Variants in PLPP1 observed in about 807,000 individuals in gnomAD.
PLPP1 encodes the protein phospholipid phosphatase 1.
A neutral mutation model predicts 31.2 loss-of-function variants in PLPP1; 24 were observed. The ratio of observed to expected loss-of-function variants is 0.77; its 90% confidence interval spans 0.56 to 1.08. The LOEUF is 1.08. PLPP1 is among the 50% of genes least tolerant of loss of function. The pLI, the probability that PLPP1 is intolerant of heterozygous loss-of-function variation, is 0.00. For synonymous variants in PLPP1, 146 were observed against 126.3 expected (o/e 1.16, Z -1.05); for missense variants, 319 against 342.7 (o/e 0.93, Z 0.55).
At chr5:55,523,430 T>C (rs1356925508) in intron 1 of PLPP1, among the ~76,000 whole-genome samples, 1 of 152,136 alleles carries the variant, frequency 6.6e-6, no homozygotes, top group African/African-American at 2.4e-5. Context: ...TCAAAAGTTA[T>C]AATCCTCAAA....
intron 3 of PLPP1, among the ~76,000 whole-genome samples, chr5:55,466,497 G>GT (rs1218885129): frequency 3.3e-5 from 5 of 152,148 alleles, no homozygotes. Flanking sequence ...GAGGTCAGGA[G>GT]TTTGAGACCA....
In PLPP1 at chr5:55,517,737, G is replaced by A. The variant is rs141786919; in HGVS notation, c.58+16835C>T. On this transcript the variant is annotated intron_variant, in intron 1 of 5. Coordinates refer to ENST00000307259, the MANE Select transcript of PLPP1 (RefSeq NM_003711.4). ...ATCTCTTTACGGGACAGCAAACTCT[G>A]GCCTTCCAAAGCATGTCCTCATGAT... Among the ~76,000 whole-genome samples the A allele has an allele frequency of 4.8e-3, 729 of 152,292 alleles. 9 individuals carry two copies. The highest frequency in any genetic ancestry group is 0.017 in the African/African-American group (701 of 41,570).
chr5:55,492,037 T>C (rs917304328), intron 1 of PLPP1, among the ~76,000 whole-genome samples: 1 of 43,572 alleles, frequency 2.3e-5, no homozygotes. Flanking sequence ...TAACAAGTTA[T>C]ACCAAAATAA....
At chr5:55,504,107 A>T (rs1753209429) in intron 1 of PLPP1, among the ~76,000 whole-genome samples, 2 of 151,816 alleles carry the variant, frequency 1.3e-5, no homozygotes, top group Non-Finnish European at 2.9e-5. Flanking sequence ...GTGGTGGCTC[A>T]CGCCTATAAT....
intron 1 of PLPP1, chr5:55,509,046 G>C (rs998651559): frequency 3.3e-5 from 5 of 152,278 alleles, no homozygotes; most frequent in African/African-American, 1.2e-4. Flanking sequence ...TCTGCTGTTA[G>C]ACAACTAAAA....
At position 55,467,543 on chromosome 5, in the gene PLPP1, T is replaced by TAAAAAA. The variant is rs3990254; in HGVS notation, c.491+320_491+325dup. 2.5e-3 allele frequency among the ~76,000 whole-genome samples: 371 copies of TAAAAAA among 147,210 alleles called. 4 individuals are homozygous for TAAAAAA. The highest frequency in any genetic ancestry group is 0.021 in the South Asian group (100 of 4,726). ...TCTACAAAATAATAATATAAAAATG[T>TAAAAAA]AAAAAAAATTATATATATTATATAT... On this transcript the variant is annotated intron_variant, in intron 3 of 5. Coordinates refer to ENST00000307259, the MANE Select transcript of PLPP1 (RefSeq NM_003711.4).
chr5:55,534,453 T>C (rs1740805095), intron 1 of PLPP1, 119 bp downstream of exon 1: 2 of 1,069,144 alleles, frequency 1.9e-6, no homozygotes, highest in Non-Finnish European at 1.3e-6. Flanking sequence ...CGCCCCCGTG[T>C]GTCGCCCCAC....
At chr5:55,528,524 T>C (rs144528506) in intron 1 of PLPP1, among the ~76,000 whole-genome samples, 18 of 152,324 alleles carry the variant, frequency 1.2e-4, no homozygotes, top group Middle Eastern at 3.4e-3. Context: ...TCAATATGCA[T>C]TGAATAAATT....
intron 3 of PLPP1, among the ~76,000 whole-genome samples, chr5:55,451,213 A>T (rs1425456459): frequency 6.6e-6 from 1 of 152,226 alleles, no homozygotes; most frequent in Non-Finnish European, 1.5e-5. Flanking sequence ...TGAGCCCAGG[A>T]GTTTGAGATC....
intron 4 of PLPP1, among the ~76,000 whole-genome samples, chr5:55,432,572 ACATAAGAAACC>A (rs1751384182): frequency 6.6e-6 from 1 of 152,182 alleles, no homozygotes; most frequent in Admixed American, 6.5e-5. Context: ...CAAGGATGCA[ACATAAGAAACC>A]CATAAGCCAA....
intron 1 of PLPP1, among the ~76,000 whole-genome samples, chr5:55,512,548 GAAA>G (rs1753454571): frequency 1.5e-4 from 2 of 13,370 alleles, no homozygotes; most frequent in African/African-American, 2.7e-4. Context: ...AAGAAAGAAA[GAAA>G]GAAAGAAAGA....
At chr5:55,455,752 AAGT>A (rs1004388071) in intron 3 of PLPP1, among the ~76,000 whole-genome samples, 3 of 152,208 alleles carry the variant, frequency 2.0e-5, no homozygotes, top group African/African-American at 7.2e-5. Context: ...AGGTAATCTA[AAGT>A]AGTAGTTCTC....
chr5:55,511,717 G>A (rs1753416801), intron 1 of PLPP1, among the ~76,000 whole-genome samples: 1 of 131,566 alleles, frequency 7.6e-6, no homozygotes, highest in Non-Finnish European at 1.5e-5. Flanking sequence ...AGGCTGGAGT[G>A]CAGTGGCGCG....
chr5:55,487,667 A>G (rs1752802159), intron 1 of PLPP1, among the ~76,000 whole-genome samples: 1 of 152,162 alleles, frequency 6.6e-6, no homozygotes, highest in Non-Finnish European at 1.5e-5. Flanking sequence ...TTAAGCATAA[A>G]TAATTCATTT....
At chr5:55,431,849 A>T (rs1561220422) in intron 4 of PLPP1, among the ~76,000 whole-genome samples, 1 of 152,214 alleles carries the variant, frequency 6.6e-6, no homozygotes, top group African/African-American at 2.4e-5. Context: ...CGACAAGAGA[A>T]AAAGAAAACC....
intron 1 of PLPP1, among the ~76,000 whole-genome samples, chr5:55,483,550 T>C (rs1752713909): frequency 6.6e-6 from 1 of 150,420 alleles, no homozygotes; most frequent in African/African-American, 2.4e-5. Context: ...CACATGCCTG[T>C]AATCCCAGCT....
chr5:55,502,665 G>A (rs1206791261), intron 1 of PLPP1, among the ~76,000 whole-genome samples: 1 of 152,064 alleles, frequency 6.6e-6, no homozygotes, highest in African/African-American at 2.4e-5. Flanking sequence ...ATCTCATGCT[G>A]GATAATGCAG....
chr5:55,533,926 C>T (rs1400158745), intron 1 of PLPP1, among the ~76,000 whole-genome samples: 3 of 152,100 alleles, frequency 2.0e-5, no homozygotes, highest in Admixed American at 6.5e-5. Flanking sequence ...CTCCTTGAGA[C>T]ACTGTCACAA....
chr5:55,453,268 A>G (rs906012686), intron 3 of PLPP1, among the ~76,000 whole-genome samples: 1 of 152,208 alleles, frequency 6.6e-6, no homozygotes, highest in Non-Finnish European at 1.5e-5. Flanking sequence ...TTATCATGTA[A>G]TTAAATGCTA....
Sources: gnomAD v4.1 joint callset for allele counts (sites outside exome capture counted in the v4.1 genomes callset) on GRCh38, gnomAD v4.1.1 for gene constraint, MANE v1.5 for transcripts, NCBI Gene and HGNC (gene_info 2026-07-23, HGNC 2026-07-21) for gene names.